SLC6A9: variants seen among roughly 807,000 people sequenced by gnomAD.
SLC6A9 encodes the protein sodium- and chloride-dependent glycine transporter 1.
SLC6A9 carries 31 observed loss-of-function variants against 70.9 expected under a neutral mutation model. That is an observed-to-expected ratio of 0.44 (90% CI 0.33 to 0.59). SLC6A9 has a LOEUF of 0.59. Ranked by LOEUF, SLC6A9 falls within the 20% of genes least tolerant of loss-of-function variation. The probability of loss-of-function intolerance (pLI) is 0.04; values close to 1 mark genes in which losing one functional copy is unlikely to be tolerated. For synonymous variants in SLC6A9, 310 were observed against 341.3 expected, an observed-to-expected ratio of 0.91 and a Z score of 1.01; for missense variants, 631 against 845.2, an observed-to-expected ratio of 0.75 and a Z score of 3.14.
In SLC6A9 at chr1:44,002,686, C is replaced by T. The variant is rs778456048; in HGVS notation, c.724-40G>A. The T allele has an allele frequency of 2.5e-6, 4 of 1,612,484 alleles. No homozygotes were observed. The South Asian group carries it at 3.3e-5, about 13-fold the overall frequency. ...CTCCATGGACTCTTCTGGGCTCTCC[C>T]CTCCCCTGGGCACCACCACCCTGGC... On this transcript the variant is annotated intron_variant, in intron 6 of 13. Transcript: ENST00000372310. The surrounding 1 kb of genome is among the most constrained non-coding windows in gnomAD (Gnocchi z 5.5).
rs1404733016 is a variant in SLC6A9 at position 44,003,250 on chromosome 1, C to A, written c.591-265G>T. On this transcript the variant is annotated intron_variant, in intron 5 of 13. Coordinates refer to ENST00000372310, the MANE Select transcript of SLC6A9 (RefSeq NM_001024845.3). ...GGGCTCCTGGAGGCCACACCCCAGGCTTGGGTGGTCTTCCTAGTTCCTGGG... is the reference window on the plus strand; with the variant it reads ...GGGCTCCTGGAGGCCACACCCCAGGATTGGGTGGTCTTCCTAGTTCCTGGG... Among the ~76,000 whole-genome samples, 3 of 152,254 alleles carry A rather than the reference C, an allele frequency of 2.0e-5. No homozygotes were observed. In the South Asian group the frequency reaches 6.2e-4, roughly 32 times the overall value.
rs188916159 is a variant in SLC6A9, at chr1:44,006,456, C to T, written c.590+1897G>A. Reference sequence around the variant, plus strand: ...TACAAAAACAAGCCAGGCGTGGTGGCGGGTGCTTGTAATCCCAGCTACTAG... The same window carrying T: ...TACAAAAACAAGCCAGGCGTGGTGGTGGGTGCTTGTAATCCCAGCTACTAG... On this transcript the variant is annotated intron_variant, in intron 5 of 13. Coordinates refer to ENST00000372310, the MANE Select transcript of SLC6A9 (RefSeq NM_001024845.3). Among the ~76,000 whole-genome samples the T allele has an allele frequency of 3.2e-3, 488 of 151,854 alleles. 5 individuals carry two copies. Among genetic ancestry groups the T allele is most frequent in the African/African-American group, 0.011 (458 of 41,442 alleles).
At chr1:44,000,336 C>T (rs2154304342) in intron 12 of SLC6A9, among the ~76,000 whole-genome samples, 1 of 152,384 alleles carries the variant, frequency 6.6e-6, no homozygotes, top group Middle Eastern at 3.4e-3. Context: ...CAGAGCTGAC[C>T]TCTGACTCCA....
chr1:44,010,278 G>C (rs1557682146), intron 3 of SLC6A9, 182 bp from the exon 4 acceptor site: 5 of 592,708 alleles, frequency 8.4e-6, no homozygotes, highest in Non-Finnish European at 8.9e-6. Context: ...CAACTTGACA[G>C]AGGCTCTCAG....
At chr1:44,017,375 ACACAC>A (rs2086788586) in intron 2 of SLC6A9, 2 of 713,252 alleles carry the variant, frequency 2.8e-6, no homozygotes, top group Non-Finnish European at 3.4e-6. Flanking sequence ...AACAACACAC[ACACAC>A]ACACACACAC....
chr1:44,008,431 G>A lies in SLC6A9; in HGVS notation c.512C>T (p.Pro171Leu), dbSNP rs1557679211. Residue 171 changes from proline to leucine, a missense_variant, in exon 5 of 14, where the codon CCA (proline) becomes CTA (leucine). Pro to Leu is a moderately conservative substitution (Grantham distance 98). Coordinates refer to ENST00000372310, the MANE Select transcript of SLC6A9 (RefSeq NM_001024845.3). ...GGAGAGGTTGCTGGGCAAGGCGGCT[G>A]GCCGAGAGCCATTGGTGAGGTTGGA... ...DASNLTNGSR[P>L]AALPSNLSHL... 1 of 1,614,132 alleles carries A rather than the reference G, an allele frequency of 6.2e-7. No individual in the cohort carries two copies. Among genetic ancestry groups the A allele is most frequent in the East Asian group, 2.2e-5 (1 of 44,884 alleles).
chr1:44,021,019 G>C (rs905233864), intron 2 of SLC6A9, among the ~76,000 whole-genome samples: 1 of 152,262 alleles, frequency 6.6e-6, no homozygotes, highest in Non-Finnish European at 1.5e-5. Flanking sequence ...TGAGTGGGCA[G>C]TGGCACTAGG....
intron 2 of SLC6A9, among the ~76,000 whole-genome samples, chr1:44,022,709 TCTTTCTTTCTTTC>T (rs775920771): frequency 1.2e-4 from 14 of 120,916 alleles, no homozygotes; most frequent in African/African-American, 2.4e-4. Context: ...TTTCTTTCTT[TCTTTCTTTCTTTC>T]TTTTTTTTTT....
In SLC6A9 at chr1:44,002,904, G is replaced by A; in HGVS notation, c.672C>T (p.Ser224=). Residue 224 remains serine, a synonymous_variant, in exon 6 of 14, where the codon TCC becomes TCT. Coordinates refer to ENST00000372310, the MANE Select transcript of SLC6A9 (RefSeq NM_001024845.3). The surrounding 1 kb of genome is among the most constrained non-coding windows in gnomAD (Gnocchi z 5.5). The stretch of plus-strand genomic sequence containing the variant: ...TGAGGCAGAGGAAGACGACCAACCA[G>A]GAGACACCGAGGCAGCCAAGGAGGG... The part of the protein sequence containing the change: ...RLPLLGCLGV[S]WLVVFLCLIR... 1 of 1,614,136 alleles carries A rather than the reference G, an allele frequency of 6.2e-7. No homozygotes were observed. The highest frequency in any genetic ancestry group is 8.5e-7 in the Non-Finnish European group (1 of 1,180,028).
chr1:44,028,616 G>A (rs1474756474), intron 1 of SLC6A9, among the ~76,000 whole-genome samples: 1 of 152,206 alleles, frequency 6.6e-6, no homozygotes, highest in Non-Finnish European at 1.5e-5. Context: ...TTAGCTGGGC[G>A]TGGTGGCAGG....
At position 44,008,475 on chromosome 1, in the gene SLC6A9, G is replaced by A. The variant is rs777756958; in HGVS notation, c.468C>T (p.Cys156=). 32 of 1,614,088 alleles carry A rather than the reference G, an allele frequency of 2.0e-5. No individual in the cohort carries two copies. The highest frequency in any genetic ancestry group is 1.3e-4 in the Admixed American group (8 of 60,012). ...GGTTGGAGGCGTCCAGTACACCGGC[G>A]CAGTCATGCGTGTTCCAGGGGTTAT... The part of the protein sequence containing the change: ...YCNNPWNTHD[C]AGVLDASNLT... Residue 156 remains cysteine (C), a synonymous_variant, in exon 5 of 14, where the codon TGC becomes TGT. Coordinates refer to ENST00000372310, the MANE Select transcript of SLC6A9 (RefSeq NM_001024845.3).
At chr1:44,004,652 A>G (rs1207593989) in intron 5 of SLC6A9, among the ~76,000 whole-genome samples, 1 of 152,148 alleles carries the variant, frequency 6.6e-6, no homozygotes, top group Non-Finnish European at 1.5e-5. Context: ...GGCCTATATT[A>G]TTTTTGACTG....
chr1:44,000,472 G>T (rs1420822466), intron 12 of SLC6A9, among the ~76,000 whole-genome samples: 4 of 152,216 alleles, frequency 2.6e-5, no homozygotes, highest in Admixed American at 2.0e-4. Flanking sequence ...ACACGCTATC[G>T]ATATTGACTC....
rs1251815964 is a variant in SLC6A9 at position 44,024,317 on chromosome 1, T to A, written c.-40A>T. 3 of 1,613,238 alleles carry A rather than the reference T, an allele frequency of 1.9e-6. No individual in the cohort carries two copies. Among genetic ancestry groups the A allele is most frequent in the Non-Finnish European group, 1.7e-6 (2 of 1,179,148 alleles). The stretch of plus-strand genomic sequence containing the variant: ...GGGGCTCTGGTGACGGGGACCACAC[T>A]CACAGGCTCTGCTTCCAGCGCCTTT... On this transcript the variant is annotated 5_prime_UTR_variant, in exon 2 of 14. Coordinates refer to ENST00000372310, the MANE Select transcript of SLC6A9 (RefSeq NM_001024845.3).
intron 3 of SLC6A9, 189 bp downstream of exon 3, chr1:44,010,537 C>G (rs1024332101): frequency 2.1e-6 from 1 of 480,608 alleles, no homozygotes; most frequent in Admixed American, 3.6e-5. Context: ...CCCCCAACAA[C>G]AGACTGCCAG....
rs1457509197 is a variant in SLC6A9, at chr1:44,031,035, C to T, written c.-86+271G>A. 3.9e-5 allele frequency among the ~76,000 whole-genome samples: 6 copies of T among 152,006 alleles called. No individual in the cohort carries two copies. In the East Asian group the frequency reaches 1.2e-3, roughly 29 times the overall value. Reference sequence around the variant, plus strand: ...AGGAGCTCCCCCCACTTCCCTCTCCCTCCCGCTTCAGCTCCTTGGTGACAG... The same window carrying T: ...AGGAGCTCCCCCCACTTCCCTCTCCTTCCCGCTTCAGCTCCTTGGTGACAG... On this transcript the variant is annotated intron_variant, in intron 1 of 13. Transcript: ENST00000372310.
At chr1:43,999,098 G>A (rs934426379) in intron 12 of SLC6A9, among the ~76,000 whole-genome samples, 3 of 152,056 alleles carry the variant, frequency 2.0e-5, no homozygotes, top group African/African-American at 7.2e-5. Context: ...CGGAGACACT[G>A]CACACGATGG....
Position 44,030,283 on chromosome 1 carries a change from T to C in SLC6A9, c.-86+1023A>G, listed in dbSNP as rs550274288. Among the ~76,000 whole-genome samples, 656 of 152,160 alleles carry C rather than the reference T, an allele frequency of 4.3e-3. 5 individuals carry two copies. Among genetic ancestry groups the C allele is most frequent in the African/African-American group, 0.015 (638 of 41,542 alleles). ...TTACATCAGCCGCCACGTGTGGGCC[T>C]AAGCTGGCGTGGAGGCGGCGGCCCC... On this transcript the variant is annotated intron_variant, in intron 1 of 13. Transcript: ENST00000372310.
rs200949863 is a variant in SLC6A9, at chr1:44,001,272, T to C, written c.1227A>G (p.Thr409=). The C allele has an allele frequency of 3.9e-5, 63 of 1,614,102 alleles. No individual in the cohort carries two copies. The highest frequency in any genetic ancestry group is 5.0e-5 in the Non-Finnish European group (59 of 1,180,044). ...TQFCLLETLV[T]AIVDEVGNEW... Reference sequence around the variant, plus strand: ...CATTCCCCACCTCATCCACAATGGCTGTGACCAGCGTCTCCAGGAGGCAGA... The same window carrying C: ...CATTCCCCACCTCATCCACAATGGCCGTGACCAGCGTCTCCAGGAGGCAGA... Residue 409 remains threonine, a synonymous_variant, in exon 10 of 14, where the codon ACA becomes ACG. Coordinates refer to ENST00000372310, the MANE Select transcript of SLC6A9 (RefSeq NM_001024845.3).
Sources: allele counts gnomAD v4.1 joint callset (sites outside exome capture counted in the v4.1 genomes callset), GRCh38; gene constraint gnomAD v4.1.1; non-coding constraint Gnocchi (gnomAD v3.1); transcripts MANE v1.5; gene names NCBI Gene and HGNC (gene_info 2026-07-23, HGNC 2026-07-21).